Variants in UGT1A8 observed in about 807,000 individuals in gnomAD.
The protein encoded by UGT1A8 is UDP glucuronosyltransferase family 1 member A8, also known as UDP-glucuronosyltransferase 1A8.
In UGT1A8, 39 loss-of-function variants were observed where a neutral mutation model predicts 45.3. That is an observed-to-expected ratio of 0.86 (90% CI 0.67 to 1.12). UGT1A8 has a LOEUF of 1.12. Ranked by LOEUF, UGT1A8 falls within the 50% of genes most tolerant of loss-of-function variation. UGT1A8 has a pLI of 0.00. For missense variants in UGT1A8, 719 were observed against 664.9 expected (o/e 1.08, Z -0.90); for synonymous variants, 275 against 249.2 (o/e 1.10, Z -0.97).
At chr2:233,627,636 C>CCTTCCTTCCTTT (rs1182546440) in intron 1 of UGT1A8, among the ~76,000 whole-genome samples, 1 of 121,642 alleles carries the variant, frequency 8.2e-6, no homozygotes, top group African/African-American at 3.4e-5. Flanking sequence ...TTCCTTCCTT[C>CCTTCCTTCCTTT]CTTCCTTCCT....
chr2:233,660,657 A>G (rs540940545), intron 1 of UGT1A8, among the ~76,000 whole-genome samples: 2 of 152,326 alleles, frequency 1.3e-5, no homozygotes, highest in Non-Finnish European at 2.9e-5. Flanking sequence ...CTGTATTTGC[A>G]TAAGACGACA....
intron 1 of UGT1A8, among the ~76,000 whole-genome samples, chr2:233,641,052 A>G (rs563755706): frequency 2.6e-5 from 4 of 152,246 alleles, no homozygotes; most frequent in African/African-American, 9.6e-5. Flanking sequence ...AAGTTATCTC[A>G]CTGCAACCTT....
intron 1 of UGT1A8, among the ~76,000 whole-genome samples, chr2:233,742,577 G>T (rs28900373): frequency 0.034 from 5,125 of 151,816 alleles, 154 homozygotes; most frequent in African/African-American, 0.051. Flanking sequence ...CGGAATTGGG[G>T]GCTTATCCCC....
At chr2:233,623,425 T>C (rs2073043816) in intron 1 of UGT1A8, among the ~76,000 whole-genome samples, 1 of 152,196 alleles carries the variant, frequency 6.6e-6, no homozygotes, top group Admixed American at 6.5e-5. Flanking sequence ...GTAGTTCTCC[T>C]TGAAGAGGTC....
rs569090035 is a variant in UGT1A8 at position 233,656,908 on chromosome 2, C to A, written c.855+38346C>A. Reference sequence around the variant, plus strand: ...CACGCACATGCTTCATGTGGCATCTCCCTTAGTTAAACATCTTTTTTTTTT... The same window carrying A: ...CACGCACATGCTTCATGTGGCATCTACCTTAGTTAAACATCTTTTTTTTTT... On this transcript the variant is annotated intron_variant, in intron 1 of 4. Transcript: ENST00000373450. Among the ~76,000 whole-genome samples, 20 of 152,008 alleles carry A rather than the reference C, an allele frequency of 1.3e-4. No individual in the cohort carries two copies. In the South Asian group the frequency reaches 3.7e-3, roughly 28 times the overall value.
At chr2:233,770,517 G>A (rs1365458811) in intron 4 of UGT1A8, 2 of 152,204 alleles carry the variant, frequency 1.3e-5, no homozygotes, top group African/African-American at 4.8e-5. Flanking sequence ...AATTACCCAG[G>A]CATGGTGGTG....
chr2:233,664,621 G>A lies in UGT1A8; in HGVS notation c.855+46059G>A, dbSNP rs184103900. ...AAAGCAGGATCAAGAGAGAGTTGGTGGGGGAGGTCCACACACTTGACCATA... is the reference window on the plus strand; with the variant it reads ...AAAGCAGGATCAAGAGAGAGTTGGTAGGGGAGGTCCACACACTTGACCATA... On this transcript the variant is annotated intron_variant, in intron 1 of 4. Coordinates refer to ENST00000373450, the MANE Select transcript of UGT1A8 (RefSeq NM_019076.5). 9.9e-5 allele frequency among the ~76,000 whole-genome samples: 15 copies of A among 152,274 alleles called. No homozygotes were observed. The East Asian group carries it at 2.5e-3, about 25-fold the overall frequency.
chr2:233,636,802 G>T, intron 1 of UGT1A8: 2 of 1,614,156 alleles, frequency 1.2e-6, no homozygotes, highest in Non-Finnish European at 1.7e-6. Flanking sequence ...CATGGTTTTC[G>T]CCCATGCTCA....
At chr2:233,676,080 A>T (rs536417091) in intron 1 of UGT1A8, among the ~76,000 whole-genome samples, 6 of 152,346 alleles carry the variant, frequency 3.9e-5, no homozygotes, top group Non-Finnish European at 7.3e-5. Flanking sequence ...GTGTGTCAAG[A>T]TCATTCAAAT....
chr2:233,728,547 T>G (rs547390241), intron 1 of UGT1A8, among the ~76,000 whole-genome samples: 2 of 152,326 alleles, frequency 1.3e-5, no homozygotes, highest in African/African-American at 4.8e-5. Flanking sequence ...GAGTCCTCTC[T>G]GATCCTTACA....
At chr2:233,702,470 T>C (rs1388086683) in intron 1 of UGT1A8, among the ~76,000 whole-genome samples, 1 of 152,192 alleles carries the variant, frequency 6.6e-6, no homozygotes, top group Non-Finnish European at 1.5e-5. Context: ...CTTATCTAAT[T>C]GCCCTGGCTT....
rs907498423 is a variant in UGT1A8, at chr2:233,772,974, A to C, written c.*415A>C. The stretch of plus-strand genomic sequence containing the variant: ...GATGGTTGCAATTGATCCTTAACCA[A>C]TAATGGTCAGTCCTCATCTCTGTCG... On this transcript the variant is annotated 3_prime_UTR_variant, in exon 5 of 5. Transcript: ENST00000373450. 3.0e-5 allele frequency: 9 copies of C among 303,654 alleles called. No individual in the cohort carries two copies. The highest frequency in any genetic ancestry group is 5.7e-5 in the Non-Finnish European group (9 of 158,574). The allele number at this position is 303,654 out of a possible 1,614,324, so 18.8% of individuals were successfully genotyped here.
chr2:233,672,463 C>T, intron 1 of UGT1A8: 1 of 1,613,966 alleles, frequency 6.2e-7, no homozygotes, highest in South Asian at 1.1e-5. Context: ...TTGCCACTAT[C>T]TTGAAGAAGG....
intron 1 of UGT1A8, chr2:233,681,911 C>A: frequency 3.1e-6 from 5 of 1,599,730 alleles, no homozygotes; most frequent in Non-Finnish European, 4.3e-6. Context: ...AGAATCCCAG[C>A]TGCTGGCTCT....
chr2:233,685,025 G>T (rs1263917221), intron 1 of UGT1A8, among the ~76,000 whole-genome samples: 1 of 152,138 alleles, frequency 6.6e-6, no homozygotes, highest in East Asian at 1.9e-4. Context: ...GTGTCTGTAT[G>T]TGCAGGTGTG....
rs763166349 is a variant in UGT1A8, at chr2:233,729,716, T to C, written c.856-37318T>C. On this transcript the variant is annotated intron_variant, in intron 1 of 4. Coordinates refer to ENST00000373450, the MANE Select transcript of UGT1A8 (RefSeq NM_019076.5). ...AACCCTTCCTCCTATATTCCTAGAT[T>C]ACTAACAACCAATTCAGACCACATG... 5.6e-6 allele frequency: 9 copies of C among 1,613,852 alleles called. No individual in the cohort carries two copies. The African/African-American group carries it at 9.3e-5, about 17-fold the overall frequency.
chr2:233,634,957 A>G (rs1194681627), intron 1 of UGT1A8, among the ~76,000 whole-genome samples: 1 of 150,270 alleles, frequency 6.7e-6, no homozygotes. Context: ...TTCTTTCCAT[A>G]TTTAGTGCTT....
intron 1 of UGT1A8, chr2:233,743,410 C>A: frequency 2.3e-6 from 3 of 1,318,156 alleles, no homozygotes; most frequent in African/African-American, 1.5e-5. Flanking sequence ...AAGGCCCCCA[C>A]TTCCCAGGGA....
intron 1 of UGT1A8, among the ~76,000 whole-genome samples, chr2:233,702,777 G>C (rs745755769): frequency 6.6e-6 from 1 of 152,158 alleles, no homozygotes; most frequent in Non-Finnish European, 1.5e-5. Context: ...TGATTTGCAG[G>C]TGTAAACGAA....
Sources: gnomAD v4.1 joint callset for allele counts (sites outside exome capture counted in the v4.1 genomes callset) on GRCh38, gnomAD v4.1.1 for gene constraint, MANE v1.5 for transcripts, NCBI Gene and HGNC (gene_info 2026-07-23, HGNC 2026-07-21) for gene names.